Variants in ADGRL2 observed in about 807,000 individuals in gnomAD.
The protein encoded by ADGRL2 is calcium-independent alpha-latrotoxin receptor 2.
ADGRL2 carries 44 observed loss-of-function variants against 157.4 expected under a neutral mutation model. That is an observed-to-expected ratio of 0.28 (90% CI 0.22 to 0.36). The LOEUF is 0.36. Ranked by LOEUF, ADGRL2 falls within the 10% of genes least tolerant of loss-of-function variation. The probability of loss-of-function intolerance (pLI) is 1.00; values close to 1 mark genes in which losing one functional copy is unlikely to be tolerated. For missense variants in ADGRL2, 1,510 were observed against 1,768.9 expected (o/e 0.85, Z 2.63); for synonymous variants, 585 against 624.7 (o/e 0.94, Z 0.95).
intron 3 of ADGRL2, among the ~76,000 whole-genome samples, chr1:81,690,848 G>A (rs1469729862): frequency 2.0e-5 from 3 of 152,244 alleles, no homozygotes; most frequent in Non-Finnish European, 2.9e-5. Flanking sequence ...TTCAGAATAC[G>A]ACTTCAAGAG....
At chr1:81,650,551 G>A (rs1434879637) in intron 3 of ADGRL2, among the ~76,000 whole-genome samples, 3 of 147,926 alleles carry the variant, frequency 2.0e-5, no homozygotes, top group African/African-American at 7.5e-5. Flanking sequence ...ACTCTAGCCT[G>A]GCAACAGAGT....
chr1:81,966,022 T>C (rs1416766485), intron 11 of ADGRL2, 36 bp from the exon 12 acceptor site: 4 of 1,607,700 alleles, frequency 2.5e-6, no homozygotes. Flanking sequence ...AAAGAATCCT[T>C]TTTTCCCCAC....
intron 2 of ADGRL2, among the ~76,000 whole-genome samples, chr1:81,580,599 A>G (rs2080887949): frequency 1.3e-5 from 2 of 152,040 alleles, no homozygotes; most frequent in Non-Finnish European, 2.9e-5. Flanking sequence ...ACTCACTATA[A>G]ATATTCAATG....
intron 3 of ADGRL2, among the ~76,000 whole-genome samples, chr1:81,586,662 G>A (rs1322641406): frequency 2.0e-5 from 3 of 152,042 alleles, no homozygotes; most frequent in Admixed American, 2.0e-4. Flanking sequence ...CTTTCGGCTT[G>A]TATGTAAGTC....
intron 2 of ADGRL2, among the ~76,000 whole-genome samples, chr1:81,903,812 TACACACACACACACAC>T (rs66880348): frequency 1.7e-5 from 2 of 120,528 alleles, no homozygotes; most frequent in African/African-American, 3.6e-5. Flanking sequence ...ACATTTTATA[TACACACACACACACAC>T]ACACACACAC....
chr1:81,821,940 C>T (rs1471171283), intron 1 of ADGRL2, among the ~76,000 whole-genome samples: 1 of 150,606 alleles, frequency 6.6e-6, no homozygotes, highest in African/African-American at 2.4e-5. Flanking sequence ...TTCAAAGTAG[C>T]CATGTTTTTT....
intron 2 of ADGRL2, among the ~76,000 whole-genome samples, chr1:81,778,321 CA>C (rs35538546): frequency 0.012 from 1,690 of 136,402 alleles, 31 homozygotes; most frequent in African/African-American, 0.039. Context: ...GACTCCGTCT[CA>C]AAAAAAAAAA....
At chr1:81,827,724 C>T (rs1187351629) in intron 1 of ADGRL2, among the ~76,000 whole-genome samples, 1 of 152,068 alleles carries the variant, frequency 6.6e-6, no homozygotes, top group Non-Finnish European at 1.5e-5. Context: ...GCCACCACGC[C>T]TGGCTAATTT....
At chr1:81,770,872 T>C (rs984416863) in intron 2 of ADGRL2, among the ~76,000 whole-genome samples, 4 of 152,174 alleles carry the variant, frequency 2.6e-5, no homozygotes, top group Non-Finnish European at 4.4e-5. Flanking sequence ...ATATGTGTAG[T>C]TATTTATTTT....
chr1:81,525,899 T>C (rs1205839331), intron 2 of ADGRL2, among the ~76,000 whole-genome samples: 2 of 152,222 alleles, frequency 1.3e-5, no homozygotes, highest in Non-Finnish European at 2.9e-5. Flanking sequence ...TGATATTTAT[T>C]TGACAGTGAA....
At chr1:81,715,388 C>T (rs931122286) in intron 1 of ADGRL2, among the ~76,000 whole-genome samples, 1 of 151,972 alleles carries the variant, frequency 6.6e-6, no homozygotes, top group Non-Finnish European at 1.5e-5. Flanking sequence ...GACATTAGGT[C>T]TAAACAGGAG....
chr1:81,500,118 C>T (rs1356851817), intron 2 of ADGRL2, among the ~76,000 whole-genome samples: 2 of 152,162 alleles, frequency 1.3e-5, no homozygotes, highest in African/African-American at 4.8e-5. Context: ...TAAAACACAT[C>T]TCCTCGCTAA....
chr1:81,509,542 C>T (rs995635094), intron 2 of ADGRL2, among the ~76,000 whole-genome samples: 2 of 152,150 alleles, frequency 1.3e-5, no homozygotes, highest in Non-Finnish European at 2.9e-5. Flanking sequence ...TACTGTAAAC[C>T]TTGTGCCTGC....
At chr1:81,621,802 G>A (rs2081796428) in intron 3 of ADGRL2, among the ~76,000 whole-genome samples, 1 of 152,152 alleles carries the variant, frequency 6.6e-6, no homozygotes, top group African/African-American at 2.4e-5. Flanking sequence ...TTGTTATGCA[G>A]CAATAGAAAA....
chr1:81,607,587 T>A (rs2081460547), intron 3 of ADGRL2, among the ~76,000 whole-genome samples: 1 of 152,288 alleles, frequency 6.6e-6, no homozygotes, highest in Middle Eastern at 3.4e-3. Context: ...AAACATGAAA[T>A]TCAGGAGGTA....
chr1:81,533,489 T>C (rs530466228), intron 2 of ADGRL2, among the ~76,000 whole-genome samples: 1 of 152,332 alleles, frequency 6.6e-6, no homozygotes, highest in Non-Finnish European at 1.5e-5. Context: ...CCACTTTACC[T>C]ACTCACATCA....
rs561363084 is a variant in ADGRL2, at chr1:81,817,532, TTGTC to T, written c.-101+16467_-101+16470del. Among the ~76,000 whole-genome samples the T allele has an allele frequency of 3.9e-5, 6 of 152,164 alleles. No homozygotes were observed. In the South Asian group the frequency reaches 1.0e-3, roughly 26 times the overall value. ...AATTCTTAGTATAAAAATCAGAAAT[TTGTC>T]TGGGTCTTTAAAAATATAGTACAAA... On this transcript the variant is annotated intron_variant, in intron 1 of 23. Coordinates refer to ENST00000686636, the MANE Select transcript of ADGRL2 (RefSeq NM_001366006.2).
chr1:81,661,075 G>C (rs1342453662), intron 3 of ADGRL2, among the ~76,000 whole-genome samples: 3 of 152,098 alleles, frequency 2.0e-5, no homozygotes, highest in Non-Finnish European at 4.4e-5. Flanking sequence ...TTAATTCTAT[G>C]CTAAGACTTT....
intron 3 of ADGRL2, among the ~76,000 whole-genome samples, chr1:81,931,863 G>A (rs2095237253): frequency 6.6e-6 from 1 of 151,878 alleles, no homozygotes; most frequent in African/African-American, 2.4e-5. Flanking sequence ...TGAACTCCTG[G>A]GCTCAAGAGA....
Sources: allele counts gnomAD v4.1 joint callset (sites outside exome capture counted in the v4.1 genomes callset), GRCh38; gene constraint gnomAD v4.1.1; transcripts MANE v1.5; gene names NCBI Gene and HGNC (gene_info 2026-07-23, HGNC 2026-07-21).